Variants in CTNNA3 observed in about 807,000 individuals in gnomAD.
CTNNA3 encodes catenin alpha-3.
In CTNNA3, 76 loss-of-function variants were observed where a neutral mutation model predicts 95.7. That is an observed-to-expected ratio of 0.79 (90% CI 0.66 to 0.96). CTNNA3 has a LOEUF of 0.96. Among genes scored for constraint, CTNNA3 ranks in the 40% least tolerant of loss-of-function variants. The pLI, the probability that CTNNA3 is intolerant of heterozygous loss-of-function variation, is 0.00. For missense variants in CTNNA3, 1,191 were observed against 1,089.8 expected (o/e 1.09, Z -1.31); for synonymous variants, 431 against 374.4 (o/e 1.15, Z -1.74).
chr10:66,334,051 C>T (rs111571129), intron 12 of CTNNA3, among the ~76,000 whole-genome samples: 1,767 of 152,078 alleles, frequency 0.012, 25 homozygotes, highest in African/African-American at 0.035. Flanking sequence ...AGGATTGCAA[C>T]CCCTACCTTT....
At chr10:66,093,602 T>C (rs551768703) in intron 14 of CTNNA3, among the ~76,000 whole-genome samples, 1 of 152,200 alleles carries the variant, frequency 6.6e-6, no homozygotes, top group South Asian at 2.1e-4. Flanking sequence ...TGAGGTTCTA[T>C]ATCCCTTATA....
intron 12 of CTNNA3, among the ~76,000 whole-genome samples, chr10:66,367,671 G>GACTTT (rs2092719596): frequency 6.7e-6 from 1 of 149,428 alleles, no homozygotes; most frequent in Admixed American, 6.7e-5. Flanking sequence ...AGCATAAGCT[G>GACTTT]ATAGCAGTGG....
rs751935311 is a variant in CTNNA3 at position 66,452,488 on chromosome 10, G to A, written c.1531+68129C>T. 7.6e-4 allele frequency among the ~76,000 whole-genome samples: 115 copies of A among 152,218 alleles called. 1 individual carries two copies. The highest frequency in any genetic ancestry group is 3.4e-3 in the Middle Eastern group (1 of 294). ...TTGCACATTCCTGGGTGTGGGCCTA[G>A]CTAACTACGGGAGAAACTTAGTTTA... On this transcript the variant is annotated intron_variant, in intron 11 of 17. Transcript: ENST00000433211.
At chr10:67,124,775 G>GT (rs1240621553) in intron 7 of CTNNA3, among the ~76,000 whole-genome samples, 4 of 152,066 alleles carry the variant, frequency 2.6e-5, no homozygotes, top group Non-Finnish European at 5.9e-5. Flanking sequence ...AATGCAAAAT[G>GT]TTTTTTTCTT....
At chr10:66,837,883 C>A (rs1346332803) in intron 7 of CTNNA3, among the ~76,000 whole-genome samples, 1 of 152,076 alleles carries the variant, frequency 6.6e-6, no homozygotes, top group East Asian at 1.9e-4. Context: ...ATCCCTAATT[C>A]TCTGCCGCCA....
At chr10:66,240,797 A>T (rs2090071622) in intron 13 of CTNNA3, among the ~76,000 whole-genome samples, 1 of 152,090 alleles carries the variant, frequency 6.6e-6, no homozygotes, top group South Asian at 2.1e-4. Flanking sequence ...ATATTGAATG[A>T]TGTAAACAAA....
chr10:67,477,106 A>G (rs2133042444), intron 5 of CTNNA3, among the ~76,000 whole-genome samples: 1 of 152,152 alleles, frequency 6.6e-6, no homozygotes, highest in East Asian at 1.9e-4. Flanking sequence ...AGGGCCCTTT[A>G]CACTCCACAC....
intron 10 of CTNNA3, among the ~76,000 whole-genome samples, chr10:66,555,140 C>T (rs1474552067): frequency 1.3e-5 from 2 of 152,168 alleles, no homozygotes; most frequent in East Asian, 3.9e-4. Context: ...TTCTAGTCAG[C>T]GTAGTCTGGT....
intron 13 of CTNNA3, among the ~76,000 whole-genome samples, chr10:66,255,980 A>C (rs1050233062): frequency 2.0e-5 from 3 of 152,194 alleles, no homozygotes; most frequent in African/African-American, 4.8e-5. Context: ...TAGGTGGATG[A>C]AACTCATGCT....
intron 9 of CTNNA3, among the ~76,000 whole-genome samples, chr10:66,761,283 A>C (rs1839588383): frequency 6.6e-6 from 1 of 152,122 alleles, no homozygotes; most frequent in Admixed American, 6.6e-5. Context: ...TATTATAATT[A>C]AATGTCCACC....
intron 9 of CTNNA3, among the ~76,000 whole-genome samples, chr10:66,726,917 A>C (rs1410396363): frequency 1.3e-5 from 2 of 152,108 alleles, no homozygotes; most frequent in African/African-American, 4.8e-5. Flanking sequence ...TGTGACCCTA[A>C]ATATAAAACC....
intron 13 of CTNNA3, among the ~76,000 whole-genome samples, chr10:66,121,424 C>T (rs2082566540): frequency 6.6e-6 from 1 of 151,916 alleles, no homozygotes. Flanking sequence ...AAAATTGCAC[C>T]ACCTCAGTAT....
intron 5 of CTNNA3, among the ~76,000 whole-genome samples, chr10:67,231,313 C>T (rs763258129): frequency 9.9e-5 from 15 of 152,200 alleles, no homozygotes; most frequent in East Asian, 1.9e-4. Flanking sequence ...TCTCCCAGCA[C>T]GCAGCTGGAG....
At chr10:66,309,151 A>T (rs2091970891) in intron 12 of CTNNA3, among the ~76,000 whole-genome samples, 1 of 152,200 alleles carries the variant, frequency 6.6e-6, no homozygotes, top group Non-Finnish European at 1.5e-5. Context: ...TTATGCAGGC[A>T]TTTTAGAGGA....
Position 67,647,480 on chromosome 10 carries a change from C to A in CTNNA3, c.34G>T (p.Asp12Tyr). The change falls in exon 2 of 18, where the codon GAT becomes TAT. Residue 12 changes from aspartate (D) to tyrosine (Y), a missense_variant. Physicochemically the swap from Asp to Tyr is radical, Grantham distance 160. Coordinates refer to ENST00000433211, the MANE Select transcript of CTNNA3 (RefSeq NM_013266.4). ...SAETPITLNI[D>Y]PQDLQVQTFT... ...GTTTGGACCTGCAGATCCTGAGGATCGATATTCAATGTGATTGGTGTTTCA... is the reference window on the plus strand; with the variant it reads ...GTTTGGACCTGCAGATCCTGAGGATAGATATTCAATGTGATTGGTGTTTCA... 6.2e-7 allele frequency: 1 copy of A among 1,613,258 alleles called. No homozygotes were observed. Among genetic ancestry groups the A allele is most frequent in the Non-Finnish European group, 8.5e-7 (1 of 1,179,480 alleles).
intron 12 of CTNNA3, among the ~76,000 whole-genome samples, chr10:66,290,673 A>G (rs1258623519): frequency 6.6e-6 from 1 of 152,138 alleles, no homozygotes; most frequent in Non-Finnish European, 1.5e-5. Flanking sequence ...TTAAAGTACT[A>G]GAGTTTTGAT....
chr10:66,658,299 T>C (rs1846140380), intron 9 of CTNNA3, among the ~76,000 whole-genome samples: 1 of 151,984 alleles, frequency 6.6e-6, no homozygotes, highest in Non-Finnish European at 1.5e-5. Flanking sequence ...AAGAGCTAGA[T>C]TGGATACTCT....
chr10:67,057,127 ATCT>A (rs1855482949), intron 7 of CTNNA3, among the ~76,000 whole-genome samples: 3 of 152,300 alleles, frequency 2.0e-5, no homozygotes, highest in South Asian at 2.1e-4. Context: ...ATTTTGGGAA[ATCT>A]TCTTTTTCAC....
chr10:66,971,268 A>C (rs1215311843), intron 7 of CTNNA3, among the ~76,000 whole-genome samples: 1 of 152,102 alleles, frequency 6.6e-6, no homozygotes, highest in Non-Finnish European at 1.5e-5. Flanking sequence ...TCTACTAAAA[A>C]TACAAAAATT....
Sources: allele counts gnomAD v4.1 joint callset (sites outside exome capture counted in the v4.1 genomes callset), GRCh38; gene constraint gnomAD v4.1.1; transcripts MANE v1.5; gene names NCBI Gene and HGNC (gene_info 2026-07-23, HGNC 2026-07-21).